BACH2: variants seen among roughly 807,000 people sequenced by gnomAD.
BACH2 encodes the protein BACH transcriptional regulator 2.
Under a neutral mutation model 61.8 loss-of-function variants are expected in BACH2, and 5 were observed. That is an observed-to-expected ratio of 0.08 (90% CI 0.04 to 0.17). The LOEUF is 0.17. BACH2 is among the 10% of genes least tolerant of loss of function. The pLI is 1.00. For missense variants in BACH2, 824 were observed against 1,091.1 expected (o/e 0.76, Z 3.45); for synonymous variants, 446 against 440.1 (o/e 1.01, Z -0.17).
intron 4 of BACH2, among the ~76,000 whole-genome samples, chr6:90,177,996 C>T (rs758276433): frequency 8.5e-5 from 13 of 152,222 alleles, no homozygotes; most frequent in Non-Finnish European, 1.3e-4. Context: ...AGCAGGTACC[C>T]GGACTTTCCC....
intron 4 of BACH2, among the ~76,000 whole-genome samples, chr6:90,151,108 G>C (rs2127829899): frequency 6.6e-6 from 1 of 152,290 alleles, no homozygotes; most frequent in East Asian, 1.9e-4. Context: ...GTGTTGACTA[G>C]CATAGATCTT....
chr6:89,987,561 C>T (rs780971531), intron 6 of BACH2, among the ~76,000 whole-genome samples: 1 of 152,126 alleles, frequency 6.6e-6, no homozygotes, highest in Non-Finnish European at 1.5e-5. Flanking sequence ...TAGATTTGTT[C>T]TCTTTCATGC....
chr6:90,120,276 T>C (rs551370596), intron 4 of BACH2, among the ~76,000 whole-genome samples: 1 of 152,342 alleles, frequency 6.6e-6, no homozygotes, highest in South Asian at 2.1e-4. Flanking sequence ...TGAAATGTCT[T>C]TGGCTTCGTT....
chr6:89,981,244 GT>G (rs1775935841), intron 6 of BACH2, among the ~76,000 whole-genome samples: 1 of 151,200 alleles, frequency 6.6e-6, no homozygotes, highest in South Asian at 2.1e-4. Context: ...TCATTCTCCT[GT>G]CTCAGCCTCC....
intron 2 of BACH2, among the ~76,000 whole-genome samples, chr6:90,253,901 T>C (rs1770893136): frequency 6.6e-6 from 1 of 152,104 alleles, no homozygotes; most frequent in Admixed American, 6.6e-5. Context: ...AACTATTTTT[T>C]TTAAACTATC....
chr6:90,098,778 CACTTTTGTCTCTGGATGAGAAACG>C lies in BACH2; in HGVS notation c.-161-9693_-161-9670del. 2.0e-5 allele frequency among the ~76,000 whole-genome samples: 3 copies of C among 152,142 alleles called. 1 individual carries two copies. The East Asian group carries it at 5.8e-4, about 29-fold the overall frequency. Reference sequence around the variant, plus strand: ...CATCCAGGGTAACTTCTTCTGGGGCCACTTTTGTCTCTGGATGAGAAACGACTTGTTTCAGCTTCCGGAACACCC... The same window carrying C: ...CATCCAGGGTAACTTCTTCTGGGGCCACTTGTTTCAGCTTCCGGAACACCC... On this transcript the variant is annotated intron_variant, in intron 4 of 8. Transcript: ENST00000257749.
chr6:90,235,185 C>T (rs1770218899), intron 3 of BACH2, among the ~76,000 whole-genome samples: 1 of 152,290 alleles, frequency 6.6e-6, no homozygotes, highest in South Asian at 2.1e-4. Context: ...TCACACAAAG[C>T]AAACACAAGA....
intron 3 of BACH2, among the ~76,000 whole-genome samples, chr6:90,233,687 T>C (rs1358563790): frequency 6.6e-6 from 1 of 152,132 alleles, no homozygotes; most frequent in Non-Finnish European, 1.5e-5. Context: ...ATATCAGCGA[T>C]TGGTATTACA....
intron 4 of BACH2, among the ~76,000 whole-genome samples, chr6:90,204,428 A>G (rs1478254600): frequency 6.6e-6 from 1 of 152,276 alleles, no homozygotes; most frequent in Non-Finnish European, 1.5e-5. Flanking sequence ...CAAGAAAGCC[A>G]TAAGAAAAAT....
intron 5 of BACH2, among the ~76,000 whole-genome samples, chr6:90,032,070 A>G (rs1400177537): frequency 1.3e-5 from 2 of 152,176 alleles, no homozygotes; most frequent in African/African-American, 4.8e-5. Flanking sequence ...CAACCATCTG[A>G]TCTTTGACAA....
chr6:89,957,885 CTAAGG>C (rs1415200587), intron 6 of BACH2, among the ~76,000 whole-genome samples: 1 of 152,014 alleles, frequency 6.6e-6, no homozygotes, highest in East Asian at 1.9e-4. Flanking sequence ...TGTTCTATTC[CTAAGG>C]TAATAATATA....
chr6:90,199,071 A>C (rs1768866289), intron 4 of BACH2, among the ~76,000 whole-genome samples: 2 of 152,190 alleles, frequency 1.3e-5, no homozygotes, highest in South Asian at 4.1e-4. Context: ...CTCCGATGTA[A>C]CTGTGAGTCC....
chr6:90,103,031 T>A (rs6902261), intron 4 of BACH2, among the ~76,000 whole-genome samples: 3,016 of 28,408 alleles, frequency 0.11, 53 homozygotes, highest in Middle Eastern at 0.2. Context: ...ATATATATAT[T>A]TTTTTTTTTT....
intron 4 of BACH2, among the ~76,000 whole-genome samples, chr6:90,156,358 T>C (rs1486505620): frequency 6.6e-6 from 1 of 152,252 alleles, no homozygotes; most frequent in Non-Finnish European, 1.5e-5. Context: ...AGTGTGCTAC[T>C]TGCCCAGGGT....
At chr6:89,990,928 C>G (rs1776511871) in intron 6 of BACH2, among the ~76,000 whole-genome samples, 1 of 152,220 alleles carries the variant, frequency 6.6e-6, no homozygotes, top group Non-Finnish European at 1.5e-5. Context: ...AATGAATGAA[C>G]AGCTTCTTCT....
chr6:90,064,506 AT>A (rs1780843661), intron 5 of BACH2, among the ~76,000 whole-genome samples: 1 of 152,196 alleles, frequency 6.6e-6, no homozygotes, highest in South Asian at 2.1e-4. Flanking sequence ...AATTTGGTGA[AT>A]GGGTTAGGCT....
chr6:90,177,611 C>T (rs1222307960), intron 4 of BACH2, among the ~76,000 whole-genome samples: 2 of 152,122 alleles, frequency 1.3e-5, no homozygotes, highest in South Asian at 2.1e-4. Context: ...AAATGTGGAT[C>T]GGATCGTATG....
chr6:89,938,439 A>G, intron 7 of BACH2, 89 bp from the exon 8 acceptor site: 1 of 1,085,812 alleles, frequency 9.2e-7, no homozygotes, highest in Non-Finnish European at 1.3e-6. Flanking sequence ...CCTCCTTTTT[A>G]TGATGACCAA....
At chr6:90,199,339 G>A (rs1768875950) in intron 4 of BACH2, among the ~76,000 whole-genome samples, 1 of 152,210 alleles carries the variant, frequency 6.6e-6, no homozygotes, top group Non-Finnish European at 1.5e-5. Context: ...CAAGATGACT[G>A]TGTACAAAGA....
Sources: allele counts gnomAD v4.1 joint callset (sites outside exome capture counted in the v4.1 genomes callset), GRCh38; gene constraint gnomAD v4.1.1; transcripts MANE v1.5; gene names NCBI Gene and HGNC (gene_info 2026-07-23, HGNC 2026-07-21).